The following C8orf34 variants were observed in gnomAD, a reference collection of about 807,000 sequenced individuals.
The protein encoded by C8orf34 is chromosome 8 open reading frame 34, also known as uncharacterized protein C8orf34.
In C8orf34, 65 loss-of-function variants were observed where a neutral mutation model predicts 68.3. The observed-to-expected ratio is 0.95, with a 90% CI of 0.78 to 1.17. The LOEUF is 1.17. Among genes scored for constraint, C8orf34 ranks in the 50% most tolerant of loss-of-function variants. The probability of loss-of-function intolerance (pLI) is 0.00; values close to 1 mark genes in which losing one functional copy is unlikely to be tolerated. For missense variants in C8orf34, 664 were observed against 655.4 expected, an observed-to-expected ratio of 1.01 and a Z score of -0.14; for synonymous variants, 244 against 241.2, an observed-to-expected ratio of 1.01 and a Z score of -0.11.
At chr8:68,387,552 T>A (rs1020946853) in intron 1 of C8orf34, among the ~76,000 whole-genome samples, 1 of 152,176 alleles carries the variant, frequency 6.6e-6, no homozygotes, top group African/African-American at 2.4e-5. Context: ...GGAGCAGCCA[T>A]GCTGGTGGAG....
chr8:68,516,618 T>A (rs1586300401), intron 5 of C8orf34, among the ~76,000 whole-genome samples: 1 of 128,292 alleles, frequency 7.8e-6, no homozygotes, highest in African/African-American at 4.0e-5. Flanking sequence ...TGACTGGGAA[T>A]GCTATTTATT....
chr8:68,778,552 C>G (rs934141509), intron 11 of C8orf34, among the ~76,000 whole-genome samples: 1 of 151,474 alleles, frequency 6.6e-6, no homozygotes, highest in East Asian at 1.9e-4. Context: ...TAAAATGGAG[C>G]TTTTATTCAA....
intron 3 of C8orf34, among the ~76,000 whole-genome samples, chr8:68,459,084 A>G (rs572747546): frequency 1.6e-3 from 250 of 152,320 alleles, no homozygotes; most frequent in African/African-American, 5.4e-3. Flanking sequence ...GGTTTGCTGT[A>G]TAAAAGTGAC....
chr8:68,367,927 A>AAAAAAAAAAAAAG (rs1807374981), intron 1 of C8orf34, among the ~76,000 whole-genome samples: 1 of 148,018 alleles, frequency 6.8e-6, no homozygotes, highest in African/African-American at 2.5e-5. Context: ...AAAAAAAAAA[A>AAAAAAAAAAAAAG]AAAAAAAAAA....
intron 1 of C8orf34, among the ~76,000 whole-genome samples, chr8:68,424,065 T>C (rs1220938078): frequency 6.6e-6 from 1 of 152,150 alleles, no homozygotes; most frequent in Non-Finnish European, 1.5e-5. Flanking sequence ...CCTGTGCCCC[T>C]GCCTTCCATG....
At chr8:68,796,330 G>A in intron 12 of C8orf34, among the ~76,000 whole-genome samples, 1 of 152,016 alleles carries the variant, frequency 6.6e-6, no homozygotes, top group Non-Finnish European at 1.5e-5. Flanking sequence ...CTGATTTTTG[G>A]AGATTCCTAT....
intron 7 of C8orf34, among the ~76,000 whole-genome samples, chr8:68,588,499 T>A (rs928518179): frequency 5.3e-5 from 8 of 152,144 alleles, no homozygotes; most frequent in African/African-American, 1.9e-4. Flanking sequence ...CATGGAGATG[T>A]AGTGGTAAAC....
chr8:68,707,838 C>T (rs528259830), intron 8 of C8orf34, among the ~76,000 whole-genome samples: 58 of 152,206 alleles, frequency 3.8e-4, no homozygotes, highest in Non-Finnish European at 6.5e-4. Context: ...TTTAATGCAC[C>T]TCTGTACCTT....
chr8:68,346,081 G>A (rs1563636007), intron 1 of C8orf34, among the ~76,000 whole-genome samples: 1 of 152,018 alleles, frequency 6.6e-6, no homozygotes, highest in Non-Finnish European at 1.5e-5. Context: ...TGTATTGAAT[G>A]AAATAGAATA....
chr8:68,450,703 A>G (rs1433526029), intron 3 of C8orf34, among the ~76,000 whole-genome samples: 1 of 152,128 alleles, frequency 6.6e-6, no homozygotes, highest in African/African-American at 2.4e-5. Flanking sequence ...TCGGGCTTAA[A>G]ATGATCAGTA....
chr8:68,442,983 C>A (rs896441194), intron 2 of C8orf34, among the ~76,000 whole-genome samples: 2 of 152,054 alleles, frequency 1.3e-5, no homozygotes, highest in Admixed American at 1.3e-4. Context: ...TGACATTTCC[C>A]ATAAGAGAAC....
chr8:68,334,554 G>A (rs529306124), intron 1 of C8orf34, among the ~76,000 whole-genome samples: 80 of 152,014 alleles, frequency 5.3e-4, no homozygotes, highest in African/African-American at 1.9e-3. Context: ...GAGTGCTCAG[G>A]GCAGTTATAT....
intron 8 of C8orf34, among the ~76,000 whole-genome samples, chr8:68,653,491 TA>T (rs34037299): frequency 2.0e-5 from 3 of 152,156 alleles, no homozygotes; most frequent in African/African-American, 4.8e-5. Context: ...TTGCCTGCTA[TA>T]AAAAAAGTAC....
At chr8:68,508,369 T>C (rs924979430) in intron 5 of C8orf34, among the ~76,000 whole-genome samples, 1 of 152,230 alleles carries the variant, frequency 6.6e-6, no homozygotes, top group Admixed American at 6.5e-5. Context: ...CATAATAATT[T>C]TCTTACATTT....
At chr8:68,383,808 C>T (rs986640466) in intron 1 of C8orf34, among the ~76,000 whole-genome samples, 11 of 152,168 alleles carry the variant, frequency 7.2e-5, no homozygotes, top group African/African-American at 2.4e-4. Flanking sequence ...GCCAATGTGT[C>T]CAGGAGAATA....
At chr8:68,594,232 G>A (rs1020244994) in intron 7 of C8orf34, among the ~76,000 whole-genome samples, 10 of 151,640 alleles carry the variant, frequency 6.6e-5, no homozygotes, top group Admixed American at 2.6e-4. Flanking sequence ...TTTATTTTTC[G>A]TCCCCTTGGC....
intron 1 of C8orf34, among the ~76,000 whole-genome samples, chr8:68,409,130 C>A (rs190607004): frequency 6.6e-6 from 1 of 152,124 alleles, no homozygotes; most frequent in South Asian, 2.1e-4. Context: ...CCATTCTGTA[C>A]GGTGCATAAT....
At chr8:68,525,623 G>C (rs185691654) in intron 6 of C8orf34, 168 of 760,092 alleles carry the variant, frequency 2.2e-4, no homozygotes, top group Non-Finnish European at 5.6e-5. Context: ...GAACTGGTCA[G>C]ATGGGAGCAG....
intron 8 of C8orf34, among the ~76,000 whole-genome samples, chr8:68,665,129 A>G (rs1466940238): frequency 6.6e-6 from 1 of 152,226 alleles, no homozygotes; most frequent in Admixed American, 6.5e-5. Flanking sequence ...AAAATCATCA[A>G]AATGAAATTC....
Sources: gnomAD v4.1 joint callset for allele counts (sites outside exome capture counted in the v4.1 genomes callset) on GRCh38, gnomAD v4.1.1 for gene constraint, MANE v1.5 for transcripts, NCBI Gene and HGNC (gene_info 2026-07-23, HGNC 2026-07-21) for gene names.